The following P2RX4 variants were observed in gnomAD, a reference collection of about 807,000 sequenced individuals.
P2RX4 encodes the protein P2X purinoceptor 4.
Under a neutral mutation model 48.0 loss-of-function variants are expected in P2RX4, and 37 were observed. That is an observed-to-expected ratio of 0.77 (90% CI 0.59 to 1.01). The LOEUF (loss-of-function observed/expected upper bound fraction) is 1.01. P2RX4 is among the 50% of genes least tolerant of loss of function. P2RX4 has a pLI of 0.00. For missense variants in P2RX4, 501 were observed against 521.4 expected (o/e 0.96, Z 0.38); for synonymous variants, 200 against 199.7 (o/e 1.00, Z -0.01).
Position 121,232,616 on chromosome 12 carries a change from G to GA in P2RX4, c.987dup (p.Phe330IlefsTer2). 5.0e-6 allele frequency: 8 copies of GA among 1,614,058 alleles called. No individual in the cohort carries two copies. Among genetic ancestry groups the GA allele is most frequent in the Non-Finnish European group, 6.8e-6 (8 of 1,179,944 alleles). On this transcript the variant is annotated frameshift_variant, in exon 10 of 12. Transcript: ENST00000337233. LOFTEE classifies it high-confidence loss of function. The surrounding 1 kb of genome is among the most constrained non-coding windows in gnomAD (Gnocchi z 4.3). Reference sequence around the variant, plus strand: ...CTTTTTCGGTGTCTTGGCAGGCAGGGAAATTTGACATCATCCCCACTATGA... The same window carrying GA: ...CTTTTTCGGTGTCTTGGCAGGCAGGGAAAATTTGACATCATCCCCACTATGA...
chr12:121,216,326 ACTTAACCT>A (rs1351428454), intron 1 of P2RX4: 3 of 152,782 alleles, frequency 2.0e-5, no homozygotes, highest in African/African-American at 7.2e-5. Flanking sequence ...TTGGCAAGTG[ACTTAACCT>A]CTCTGTGTTT....
At chr12:121,227,862 G>A (rs541778830) in intron 5 of P2RX4, among the ~76,000 whole-genome samples, 22 of 151,308 alleles carry the variant, frequency 1.5e-4, no homozygotes, top group African/African-American at 5.1e-4. Context: ...GAGGTAGGAA[G>A]ATTGCTTGAG....
At chr12:121,212,356 T>A (rs969167085) in intron 1 of P2RX4, among the ~76,000 whole-genome samples, 3 of 151,868 alleles carry the variant, frequency 2.0e-5, no homozygotes, top group Non-Finnish European at 4.4e-5. Flanking sequence ...GGTGGGAGGA[T>A]TGCTTGAGGC....
Position 121,229,822 on chromosome 12 carries a change from C to A in P2RX4, c.884+723C>A, listed in dbSNP as rs182842218. The stretch of plus-strand genomic sequence containing the variant: ...ATGCATCACTCCAGTCTCTGCCTCT[C>A]CTGTCATGAGGCCTTCTGCCTTGTA... On this transcript the variant is annotated intron_variant, in intron 8 of 11. Coordinates refer to ENST00000337233, the MANE Select transcript of P2RX4 (RefSeq NM_002560.3). The surrounding 1 kb of genome is among the most constrained non-coding windows in gnomAD (Gnocchi z 4.6). Among the ~76,000 whole-genome samples the A allele has an allele frequency of 6.6e-6, 1 of 152,286 alleles. No individual in the cohort carries two copies. The highest frequency in any genetic ancestry group is 1.9e-4 in the East Asian group (1 of 5,182).
chr12:121,220,635 C>CAAAT (rs549991183), intron 2 of P2RX4, among the ~76,000 whole-genome samples: 121 of 151,912 alleles, frequency 8.0e-4, no homozygotes, highest in South Asian at 7.5e-3. Flanking sequence ...GGCTCTGTCT[C>CAAAT]AAATAAATAA....
chr12:121,227,868 T>G (rs527669148), intron 5 of P2RX4, among the ~76,000 whole-genome samples: 185 of 151,756 alleles, frequency 1.2e-3, no homozygotes, highest in African/African-American at 4.4e-3. Context: ...GGAAGATTGC[T>G]TGAGGTCAGG....
intron 1 of P2RX4, among the ~76,000 whole-genome samples, chr12:121,212,679 C>T (rs2136211679): frequency 6.7e-6 from 1 of 148,742 alleles, no homozygotes; most frequent in African/African-American, 2.5e-5. Context: ...ATCCCGGCTA[C>T]ATGGGAGGCT....
At chr12:121,219,933 TC>T (rs1886494259) in intron 2 of P2RX4, among the ~76,000 whole-genome samples, 1 of 152,166 alleles carries the variant, frequency 6.6e-6, no homozygotes, top group Non-Finnish European at 1.5e-5. Flanking sequence ...CCAACTAGAA[TC>T]TTTTGGGGTC....
intron 5 of P2RX4, among the ~76,000 whole-genome samples, chr12:121,227,834 G>T (rs1255177936): frequency 6.6e-6 from 1 of 151,794 alleles, no homozygotes; most frequent in Non-Finnish European, 1.5e-5. Flanking sequence ...CACTCCTGTA[G>T]TCCAGCACAG....
chr12:121,232,528 CCCCT>C lies in P2RX4; in HGVS notation c.978+24_978+27del. ...GGAAGGTAGCTCGCCGCCACTGGCT[CCCCT>C]CCGTCACTCCCTGCAGGGACAAGGG... On this transcript the variant is annotated intron_variant, in intron 9 of 11. Transcript: ENST00000337233. The surrounding 1 kb of genome is among the most constrained non-coding windows in gnomAD (Gnocchi z 4.3). 6.2e-7 allele frequency: 1 copy of C among 1,610,254 alleles called. No individual in the cohort carries two copies. The highest frequency in any genetic ancestry group is 8.5e-7 in the Non-Finnish European group (1 of 1,176,428).
rs570664568 is a variant in P2RX4, at chr12:121,222,582, T to C, written c.428-365T>C. On this transcript the variant is annotated intron_variant, in intron 4 of 11. Transcript: ENST00000337233. ...CATGCACCACCACGCCCAGCTAATT[T>C]TTGTACTTTTGGTAGAGATGGGTTT... is the stretch of plus-strand genomic sequence containing the variant. The C allele has an allele frequency of 3.1e-4, 148 of 471,424 alleles. 1 individual carries two copies. Among genetic ancestry groups the C allele is most frequent in the South Asian group, 2.1e-3 (130 of 61,500 alleles). The allele number at this position is 471,424 out of a possible 1,614,324, so 29.2% of individuals were successfully genotyped here.
chr12:121,222,005 G>A (rs371516499), intron 3 of P2RX4, 21 bp downstream of exon 3: 4 of 1,610,812 alleles, frequency 2.5e-6, no homozygotes, highest in South Asian at 2.2e-5. Flanking sequence ...CCCGGGAAGA[G>A]CCCCAGGCCC....
chr12:121,218,962 C>G (rs1886396664), intron 2 of P2RX4, among the ~76,000 whole-genome samples: 1 of 151,758 alleles, frequency 6.6e-6, no homozygotes. Flanking sequence ...GAGTTTGAGG[C>G]TGAAGTGAAC....
intron 2 of P2RX4, among the ~76,000 whole-genome samples, chr12:121,218,878 GGCCA>G (rs1169318492): frequency 6.6e-6 from 1 of 152,128 alleles, no homozygotes; most frequent in Non-Finnish European, 1.5e-5. Flanking sequence ...ATAGGAAACA[GGCCA>G]GATGTGGTGG....
rs71079040 is a variant in P2RX4, at chr12:121,221,166, T to TTGTGTGTGTGTGTG, written c.283-729_283-716dup. Among the ~76,000 whole-genome samples, 495 of 100,916 alleles carry TTGTGTGTGTGTGTG rather than the reference T, an allele frequency of 4.9e-3. 2 individuals carry two copies. Among genetic ancestry groups the TTGTGTGTGTGTGTG allele is most frequent in the Admixed American group, 9.6e-3 (100 of 10,436 alleles). The allele number at this position is 100,916 out of a possible 152,430, so 66.2% of individuals were successfully genotyped here. ...TGTGTGTGCGTGTGTCTGTGTGTGTTTGTGTGTGTGTGTGTGTGTGTGTGT... is the reference window on the plus strand; with the variant it reads ...TGTGTGTGCGTGTGTCTGTGTGTGTTTGTGTGTGTGTGTGTGTGTGTGTGTGTGTGTGTGTGTGT... On this transcript the variant is annotated intron_variant, in intron 2 of 11. Transcript: ENST00000337233.
chr12:121,224,616 T>A (rs911182767), intron 5 of P2RX4, among the ~76,000 whole-genome samples: 10 of 151,430 alleles, frequency 6.6e-5, no homozygotes, highest in South Asian at 2.1e-4. Flanking sequence ...AATAAAAATT[T>A]AAAAAAATAA....
intron 4 of P2RX4, chr12:121,222,430 T>G (rs150399548): frequency 2.3e-4 from 118 of 510,852 alleles, no homozygotes; most frequent in African/African-American, 1.9e-3. Context: ...TTTGTTTTTT[T>G]GAGCCAGAGT....
At position 121,210,257 on chromosome 12, in the gene P2RX4, G is replaced by A; in HGVS notation, c.93G>A (p.Met31Ile). The change falls in exon 1 of 12, where the codon ATG becomes ATA. Residue 31 changes from methionine (M) to isoleucine (I), a missense_variant. By Grantham distance (10) the Met-to-Ile change is conservative. Around this residue, in one of 3 missense-constraint regions of P2RX4, gnomAD observed 295 missense variants for 275.3 expected, o/e 1.07. Coordinates refer to ENST00000337233, the MANE Select transcript of P2RX4 (RefSeq NM_002560.3). ...TCCGCAGCCGCAAAGTGGGGCTCATGAACCGCGCCGTGCAACTGCTCATCC... is the reference window on the plus strand; with the variant it reads ...TCCGCAGCCGCAAAGTGGGGCTCATAAACCGCGCCGTGCAACTGCTCATCC... ...VLIRSRKVGL[M>I]NRAVQLLILA... is the part of the protein sequence containing the mutation. 6.4e-7 allele frequency: 1 copy of A among 1,559,798 alleles called. No individual in the cohort carries two copies. The highest frequency in any genetic ancestry group is 8.6e-7 in the Non-Finnish European group (1 of 1,157,508).
In P2RX4 at chr12:121,232,547, A is replaced by C. The variant is rs1939507587; in HGVS notation, c.978+40A>C. 1 of 1,602,682 alleles carries C rather than the reference A, an allele frequency of 6.2e-7. No homozygotes were observed. The highest frequency in any genetic ancestry group is 1.3e-5 in the African/African-American group (1 of 74,848). On this transcript the variant is annotated intron_variant, in intron 9 of 11. Transcript: ENST00000337233. This position sits in a 1 kb window ranked among gnomAD's most constrained non-coding sequence, Gnocchi z 4.3. ...CTGGCTCCCCTCCGTCACTCCCTGC[A>C]GGGACAAGGGGCCTCTCCCTGCCCC...
Sources: allele counts gnomAD v4.1 joint callset (sites outside exome capture counted in the v4.1 genomes callset), GRCh38; gene constraint gnomAD v4.1.1; regional missense constraint gnomAD v4.1.1; non-coding constraint Gnocchi (gnomAD v3.1); transcripts MANE v1.5; gene names NCBI Gene and HGNC (gene_info 2026-07-23, HGNC 2026-07-21).